SAAL1: variants seen among roughly 807,000 people sequenced by gnomAD.
The protein encoded by SAAL1 is protein SAAL1.
In SAAL1, 42 loss-of-function variants were observed where a neutral mutation model predicts 59.8. The observed-to-expected ratio is 0.70, with a 90% CI of 0.55 to 0.91. SAAL1 has a LOEUF of 0.91. SAAL1 is among the 40% of genes least tolerant of loss of function. The pLI, the probability that SAAL1 is intolerant of heterozygous loss-of-function variation, is 0.00. For synonymous variants in SAAL1, 191 were observed against 194.3 expected (o/e 0.98, Z 0.14); for missense variants, 542 against 561.1 (o/e 0.97, Z 0.34).
At position 18,105,222 on chromosome 11, in the gene SAAL1, T is replaced by C. The variant is rs576940643; in HGVS notation, c.135+685A>G. Among the ~76,000 whole-genome samples the C allele has an allele frequency of 1.4e-3, 215 of 152,018 alleles. 2 individuals are homozygous for C. Among genetic ancestry groups the C allele is most frequent in the Non-Finnish European group, 2.5e-3 (169 of 67,990 alleles). On this transcript the variant is annotated intron_variant, in intron 1 of 11. Transcript: ENST00000524803. ...TCTTACTCCGTCCCCCAGCCTGGAG[T>C]GCAGAAGCTGGATCATAGCTCACTG...
At position 18,103,339 on chromosome 11, in the gene SAAL1, C is replaced by T. The variant is rs773784815; in HGVS notation, c.143G>A (p.Ser48Asn). Residue 48 changes from serine to asparagine, a missense_variant, in exon 2 of 12, where the codon AGC becomes AAC. Coordinates refer to ENST00000524803, the MANE Select transcript of SAAL1 (RefSeq NM_138421.3). ...TGAGCTAGATTTGGTGTTTTCAGGGCTAACAATCTTCAGAAACACAAAGAA... is the reference window on the plus strand; with the variant it reads ...TGAGCTAGATTTGGTGTTTTCAGGGTTAACAATCTTCAGAAACACAAAGAA... ...GVLSGLIQIV[S>N]PENTKSSSDD... The T allele has an allele frequency of 1.2e-6, 2 of 1,611,146 alleles. No individual in the cohort carries two copies. Among genetic ancestry groups the T allele is most frequent in the Admixed American group, 3.3e-5 (2 of 60,006 alleles).
intron 3 of SAAL1, among the ~76,000 whole-genome samples, chr11:18,096,439 T>A (rs1349496337): frequency 6.6e-6 from 1 of 151,830 alleles, no homozygotes; most frequent in African/African-American, 2.4e-5. Flanking sequence ...AAAAATTAGC[T>A]GGGTGTGGTG....
chr11:18,081,341 A>T (rs1590281688), intron 11 of SAAL1, 70 bp downstream of exon 11: 2 of 1,044,810 alleles, frequency 1.9e-6, no homozygotes, highest in African/African-American at 3.2e-5. Context: ...CCTCGAAATC[A>T]AGTGCTTACT....
chr11:18,090,257 C>T lies in SAAL1; in HGVS notation c.507G>A (p.Val169=). The T allele has an allele frequency of 1.2e-6, 2 of 1,607,034 alleles. No individual in the cohort carries two copies. Among genetic ancestry groups the T allele is most frequent in the Non-Finnish European group, 1.7e-6 (2 of 1,178,632 alleles). ...GGATCCTTTCAACCCAAACACTGGCCACTTCTGCCTGGGAAAGGCAAGTAA... is the reference window on the plus strand; with the variant it reads ...GGATCCTTTCAACCCAAACACTGGCTACTTCTGCCTGGGAAAGGCAAGTAA... ...LLLTCLSQAE[V]ASVWVERIQE... The change falls in exon 6 of 12, where the codon GTG becomes GTA. Residue 169 remains valine (V), a synonymous_variant. Transcript: ENST00000524803.
intron 11 of SAAL1, 65 bp from the exon 12 acceptor site, chr11:18,080,556 T>G (rs1848399056): frequency 1.9e-6 from 2 of 1,039,230 alleles, no homozygotes; most frequent in African/African-American, 3.2e-5. Context: ...AAGGTACTGA[T>G]TGCTCTACCT....
chr11:18,085,435 C>T (rs1848453618), intron 9 of SAAL1, among the ~76,000 whole-genome samples: 3 of 118,444 alleles, frequency 2.5e-5, no homozygotes, highest in African/African-American at 7.9e-5. Flanking sequence ...CCAAAAGATA[C>T]AATTATCTAG....
At chr11:18,096,962 G>A (rs1003288436) in intron 2 of SAAL1, 108 bp from the exon 3 acceptor site, 18 of 659,302 alleles carry the variant, frequency 2.7e-5, no homozygotes, top group African/African-American at 5.7e-5. Flanking sequence ...TACGCCAGGC[G>A]CAGTGGCTGA....
chr11:18,081,839 T>C (rs2134053233), intron 10 of SAAL1: 1 of 213,562 alleles, frequency 4.7e-6, no homozygotes, highest in Admixed American at 5.6e-5. Context: ...CTCCTCTCCA[T>C]TCAAACTTCC....
At chr11:18,086,741 G>T in intron 9 of SAAL1, 125 bp downstream of exon 9, 1 of 481,874 alleles carries the variant, frequency 2.1e-6, no homozygotes, top group Non-Finnish European at 3.4e-6. Context: ...AAATAAATAT[G>T]ATAATAAAAT....
chr11:18,102,133 G>A (rs1165406345), intron 2 of SAAL1, among the ~76,000 whole-genome samples: 1 of 152,100 alleles, frequency 6.6e-6, no homozygotes, highest in Non-Finnish European at 1.5e-5. Context: ...TGGGTGCGGT[G>A]ACTCACTCCT....
intron 1 of SAAL1, among the ~76,000 whole-genome samples, chr11:18,105,332 C>CTT (rs905892562): frequency 2.0e-4 from 25 of 127,426 alleles, no homozygotes; most frequent in South Asian, 2.6e-4. Context: ...TCACGACCGG[C>CTT]TTTTTTTTTT....
intron 9 of SAAL1, among the ~76,000 whole-genome samples, chr11:18,086,003 T>C (rs961810356): frequency 1.3e-5 from 2 of 152,240 alleles, no homozygotes; most frequent in Non-Finnish European, 2.9e-5. Flanking sequence ...TATAGGAAAA[T>C]ATTCATTTTA....
At chr11:18,083,865 C>T (rs1848435729) in intron 9 of SAAL1, 134 bp from the exon 10 acceptor site, 1 of 479,142 alleles carries the variant, frequency 2.1e-6, no homozygotes, top group Non-Finnish European at 3.7e-6. Context: ...GATGTCAGCC[C>T]ATAAGAGGCT....
chr11:18,096,210 T>C (rs765153322), intron 3 of SAAL1, among the ~76,000 whole-genome samples: 3 of 152,206 alleles, frequency 2.0e-5, no homozygotes, highest in Non-Finnish European at 4.4e-5. Context: ...ATGAAAGTGC[T>C]AATTTCCCTG....
intron 9 of SAAL1, among the ~76,000 whole-genome samples, chr11:18,083,939 T>C (rs1003137573): frequency 1.3e-5 from 2 of 152,328 alleles, no homozygotes; most frequent in African/African-American, 4.8e-5. Flanking sequence ...TTAAGTTCTA[T>C]GAAGGAAATA....
chr11:18,105,341 T>G (rs1294375766), intron 1 of SAAL1, among the ~76,000 whole-genome samples: 1 of 150,638 alleles, frequency 6.6e-6, no homozygotes, highest in African/African-American at 2.4e-5. Context: ...GCTTTTTTTT[T>G]TTTTTTTTTT....
intron 9 of SAAL1, among the ~76,000 whole-genome samples, chr11:18,084,818 T>C (rs1848446140): frequency 6.6e-6 from 1 of 151,994 alleles, no homozygotes; most frequent in African/African-American, 2.4e-5. Flanking sequence ...CAGGCTGGAG[T>C]ACAATGGCGT....
At chr11:18,099,196 C>A (rs1590291099) in intron 2 of SAAL1, among the ~76,000 whole-genome samples, 1 of 152,202 alleles carries the variant, frequency 6.6e-6, no homozygotes, top group South Asian at 2.1e-4. Flanking sequence ...TAGCTCACTG[C>A]AGCCTCCAAC....
At position 18,087,059 on chromosome 11, in the gene SAAL1, A is replaced by C; in HGVS notation, c.854-5T>G. 6.2e-7 allele frequency: 1 copy of C among 1,612,014 alleles called. No homozygotes were observed. Among genetic ancestry groups the C allele is most frequent in the Non-Finnish European group, 8.5e-7 (1 of 1,178,104 alleles). On this transcript the variant is annotated splice_region_variant and splice_polypyrimidine_tract_variant and intron_variant, in intron 8 of 11. Transcript: ENST00000524803. ...TTCCAGTGTCAGGACAATGTACTTA[A>C]TAAAGAGGACAAATAAAGCAGTACT... is the stretch of plus-strand genomic sequence containing the variant.
Sources: gnomAD v4.1 joint callset for allele counts (sites outside exome capture counted in the v4.1 genomes callset) on GRCh38, gnomAD v4.1.1 for gene constraint, MANE v1.5 for transcripts, NCBI Gene and HGNC (gene_info 2026-07-23, HGNC 2026-07-21) for gene names.